Variants in ARHGAP28 observed in about 807,000 individuals in gnomAD.
ARHGAP28 encodes the protein rho GTPase-activating protein 28.
A neutral mutation model predicts 90.7 loss-of-function variants in ARHGAP28; 56 were observed. The ratio of observed to expected loss-of-function variants is 0.62; its 90% CI spans 0.50 to 0.77. ARHGAP28 has a LOEUF of 0.77. Ranked by LOEUF, ARHGAP28 falls within the 30% of genes least tolerant of loss-of-function variation. The pLI, the probability that ARHGAP28 is intolerant of heterozygous loss-of-function variation, is 0.00. For synonymous variants in ARHGAP28, 308 were observed against 323.3 expected (o/e 0.95, Z 0.51); for missense variants, 869 against 900.9 (o/e 0.96, Z 0.45).
chr18:6,910,795 C>T (rs2057392285), intron 17 of ARHGAP28, among the ~76,000 whole-genome samples: 1 of 151,914 alleles, frequency 6.6e-6, no homozygotes, highest in East Asian at 1.9e-4. Flanking sequence ...AATCAAGCAA[C>T]CTAGCACTCA....
intron 5 of ARHGAP28, among the ~76,000 whole-genome samples, chr18:6,863,255 TTC>T (rs1481713643): frequency 6.6e-6 from 1 of 152,042 alleles, no homozygotes; most frequent in Non-Finnish European, 1.5e-5. Context: ...TATTCTAAGA[TTC>T]TGAGCTTTAT....
At chr18:6,792,969 G>A (rs1192049645) in intron 1 of ARHGAP28, among the ~76,000 whole-genome samples, 4 of 152,174 alleles carry the variant, frequency 2.6e-5, no homozygotes, top group African/African-American at 4.8e-5. Context: ...CATTCAAAGT[G>A]TATTTCAAAC....
At chr18:6,827,207 C>T (rs1163564893) in intron 2 of ARHGAP28, among the ~76,000 whole-genome samples, 3 of 152,166 alleles carry the variant, frequency 2.0e-5, no homozygotes, top group Non-Finnish European at 4.4e-5. Context: ...GTTGAGTACA[C>T]CTCCCAGACA....
intron 3 of ARHGAP28, among the ~76,000 whole-genome samples, chr18:6,839,025 T>G (rs747297443): frequency 9.9e-5 from 15 of 152,226 alleles, no homozygotes; most frequent in Admixed American, 4.6e-4. Flanking sequence ...TCATGGTTTA[T>G]GATCAGCAAC....
At chr18:6,761,942 G>A (rs2056163282) in intron 1 of ARHGAP28, among the ~76,000 whole-genome samples, 1 of 152,184 alleles carries the variant, frequency 6.6e-6, no homozygotes, top group African/African-American at 2.4e-5. Context: ...TAGATAGCAA[G>A]GGTAGTTGCT....
chr18:6,901,721 A>G (rs988994092), intron 16 of ARHGAP28, among the ~76,000 whole-genome samples: 1 of 152,180 alleles, frequency 6.6e-6, no homozygotes, highest in East Asian at 1.9e-4. Context: ...ATGATAAATT[A>G]TCAGAGCAGT....
chr18:6,903,485 C>T (rs2057348042), intron 16 of ARHGAP28, among the ~76,000 whole-genome samples: 1 of 152,000 alleles, frequency 6.6e-6, no homozygotes, highest in South Asian at 2.1e-4. Context: ...AAACCACAAA[C>T]AAAGCCATAC....
chr18:6,734,873 G>A (rs1299630236), intron 1 of ARHGAP28, among the ~76,000 whole-genome samples: 1 of 152,158 alleles, frequency 6.6e-6, no homozygotes, highest in Non-Finnish European at 1.5e-5. Flanking sequence ...TTTATGTTAT[G>A]GTTGAAATCA....
intron 1 of ARHGAP28, among the ~76,000 whole-genome samples, chr18:6,747,116 G>A (rs537370346): frequency 1.5e-5 from 2 of 136,856 alleles, no homozygotes; most frequent in South Asian, 4.6e-4. Flanking sequence ...ATCTTCTCTT[G>A]AAGCCACCAT....
At chr18:6,747,317 T>C (rs1337343728) in intron 1 of ARHGAP28, among the ~76,000 whole-genome samples, 2 of 152,148 alleles carry the variant, frequency 1.3e-5, no homozygotes, top group Non-Finnish European at 2.9e-5. Context: ...GGTCTATAGA[T>C]GAAGGTAGAC....
intron 11 of ARHGAP28, among the ~76,000 whole-genome samples, chr18:6,884,740 T>G (rs1167692737): frequency 6.6e-6 from 1 of 152,220 alleles, no homozygotes; most frequent in Non-Finnish European, 1.5e-5. Context: ...GGGTGAAGTT[T>G]ATACCAGAAT....
At chr18:6,748,659 A>G (rs2056044550) in intron 1 of ARHGAP28, among the ~76,000 whole-genome samples, 1 of 152,232 alleles carries the variant, frequency 6.6e-6, no homozygotes, top group Non-Finnish European at 1.5e-5. Context: ...GGCAATCAAC[A>G]TTTAACAAGG....
chr18:6,747,286 A>G (rs1257995983), intron 1 of ARHGAP28, among the ~76,000 whole-genome samples: 2 of 152,096 alleles, frequency 1.3e-5, no homozygotes, highest in Admixed American at 6.6e-5. Context: ...ACATGTGGAT[A>G]TGGTGTGATG....
At chr18:6,816,280 A>T (rs531205318) in intron 1 of ARHGAP28, among the ~76,000 whole-genome samples, 22 of 152,272 alleles carry the variant, frequency 1.4e-4, no homozygotes, top group African/African-American at 5.3e-4. Context: ...AGGACATCCA[A>T]GTTGAGTTGT....
In ARHGAP28 at chr18:6,735,562, T is replaced by G. The variant is rs888138166; in HGVS notation, c.122+5619T>G. ...TTAAATTAAGGTTATGCTGTTTTTT[T>G]TTTTTTTTTTGAGCCAAGGTCTTGC... On this transcript the variant is annotated intron_variant, in intron 1 of 17. Coordinates refer to ENST00000383472, the MANE Select transcript of ARHGAP28 (RefSeq NM_001366230.1). Among the ~76,000 whole-genome samples, 6 of 152,074 alleles carry G rather than the reference T, an allele frequency of 3.9e-5. No individual in the cohort carries two copies. In the East Asian group the frequency reaches 9.7e-4, roughly 25 times the overall value.
At chr18:6,801,266 A>C (rs1437244967) in intron 1 of ARHGAP28, among the ~76,000 whole-genome samples, 1 of 152,178 alleles carries the variant, frequency 6.6e-6, no homozygotes, top group African/African-American at 2.4e-5. Context: ...TATTGAAAAG[A>C]TGATCTTTTC....
rs558065450 is a variant in ARHGAP28, at chr18:6,899,497, C to T, written c.2030+2871C>T. On this transcript the variant is annotated intron_variant, in intron 16 of 17. Coordinates refer to ENST00000383472, the MANE Select transcript of ARHGAP28 (RefSeq NM_001366230.1). ...AAGAGGTGGCCTAACCACAGAAAAC[C>T]TTTCTGGCAATATCTGCCCTACTCC... 8.5e-5 allele frequency among the ~76,000 whole-genome samples: 13 copies of T among 152,098 alleles called. No homozygotes were observed. In the South Asian group the frequency reaches 1.9e-3, roughly 22 times the overall value.
chr18:6,861,670 A>G (rs1339312799), intron 5 of ARHGAP28, among the ~76,000 whole-genome samples: 1 of 152,178 alleles, frequency 6.6e-6, no homozygotes, highest in Non-Finnish European at 1.5e-5. Context: ...AGAGGATGGT[A>G]GGCATGCCTT....
At chr18:6,761,465 C>A (rs961465335) in intron 1 of ARHGAP28, among the ~76,000 whole-genome samples, 1 of 152,102 alleles carries the variant, frequency 6.6e-6, no homozygotes, top group African/African-American at 2.4e-5. Context: ...GGAGTCTAGC[C>A]CACGGTGTTA....
Sources: allele counts gnomAD v4.1 joint callset (sites outside exome capture counted in the v4.1 genomes callset), GRCh38; gene constraint gnomAD v4.1.1; transcripts MANE v1.5; gene names NCBI Gene and HGNC (gene_info 2026-07-23, HGNC 2026-07-21).